Variants in ANKH observed in about 807,000 individuals in gnomAD.
ANKH encodes ANKH inorganic pyrophosphate transport regulator.
ANKH carries 15 observed loss-of-function variants against 49.0 expected under a neutral mutation model. The observed-to-expected ratio is 0.31, with a 90% confidence interval of 0.20 to 0.47. The LOEUF (loss-of-function observed/expected upper bound fraction) is 0.47, where lower values mean the gene tolerates loss of function less well. ANKH is among the 20% of genes least tolerant of loss of function. ANKH has a pLI of 1.00. For synonymous variants in ANKH, 273 were observed against 260.0 expected, an observed-to-expected ratio of 1.05 and a Z score of -0.48; for missense variants, 429 against 652.0, an observed-to-expected ratio of 0.66 and a Z score of 3.72.
intron 1 of ANKH, among the ~76,000 whole-genome samples, chr5:14,783,054 T>C (rs1339787136): frequency 2.0e-5 from 3 of 152,194 alleles, no homozygotes; most frequent in East Asian, 3.8e-4. Context: ...GAACTCACTA[T>C]TGGTATTTAT....
chr5:14,733,878 G>C (rs975614955), intron 8 of ANKH, among the ~76,000 whole-genome samples: 21 of 152,346 alleles, frequency 1.4e-4, no homozygotes, highest in African/African-American at 4.6e-4. Context: ...ATGCGTGTCG[G>C]GAGTGTCTGG....
intron 8 of ANKH, among the ~76,000 whole-genome samples, chr5:14,720,002 AAGAAC>A (rs1407485350): frequency 6.6e-6 from 1 of 152,244 alleles, no homozygotes; most frequent in Non-Finnish European, 1.5e-5. Flanking sequence ...AAAATGAATT[AAGAAC>A]AGAACACTAA....
At chr5:14,868,003 G>A (rs1050013335) in intron 1 of ANKH, among the ~76,000 whole-genome samples, 2 of 152,146 alleles carry the variant, frequency 1.3e-5, no homozygotes, top group African/African-American at 4.8e-5. Context: ...TAGTCCATAA[G>A]ATTTGGTTTC....
At chr5:14,767,599 T>C (rs1739297597) in intron 2 of ANKH, among the ~76,000 whole-genome samples, 1 of 152,202 alleles carries the variant, frequency 6.6e-6, no homozygotes. Flanking sequence ...ACGGGATGCT[T>C]AGCTTTTCTC....
intron 1 of ANKH, among the ~76,000 whole-genome samples, chr5:14,837,687 T>C (rs1380565414): frequency 6.6e-6 from 1 of 152,206 alleles, no homozygotes; most frequent in African/African-American, 2.4e-5. Context: ...GACTGTAAAC[T>C]AGTTCAACCA....
chr5:14,769,756 T>C (rs1739376087), intron 1 of ANKH, among the ~76,000 whole-genome samples: 1 of 152,194 alleles, frequency 6.6e-6, no homozygotes, highest in Non-Finnish European at 1.5e-5. Context: ...TCTTCATTCA[T>C]GCATGTTGTT....
chr5:14,737,914 A>G lies in ANKH; in HGVS notation c.1011+3913T>C, dbSNP rs1738238022. ...CCCCTTTCTCATCCTCATGCCCATC[A>G]GATGGTTTAGAGAGATCAATCAACC... is the stretch of plus-strand genomic sequence containing the variant. On this transcript the variant is annotated intron_variant, in intron 8 of 11. Transcript: ENST00000284268. The surrounding 1 kb of genome is among the most constrained non-coding windows in gnomAD (Gnocchi z 5.0). Among the ~76,000 whole-genome samples, 1 of 152,180 alleles carries G rather than the reference A, an allele frequency of 6.6e-6. No homozygotes were observed. Among genetic ancestry groups the G allele is most frequent in the African/African-American group, 2.4e-5 (1 of 41,454 alleles).
At chr5:14,812,846 G>A (rs1262268955) in intron 1 of ANKH, among the ~76,000 whole-genome samples, 1 of 152,102 alleles carries the variant, frequency 6.6e-6, no homozygotes, top group Non-Finnish European at 1.5e-5. Flanking sequence ...GTAACTGACT[G>A]TCTATCTAGA....
intron 1 of ANKH, among the ~76,000 whole-genome samples, chr5:14,777,140 C>T (rs1398439409): frequency 1.2e-4 from 8 of 67,508 alleles, no homozygotes; most frequent in African/African-American, 4.2e-4. Flanking sequence ...AAAAAGTTAG[C>T]CGGGCGTGGT....
chr5:14,779,640 T>C (rs1739744349), intron 1 of ANKH, among the ~76,000 whole-genome samples: 1 of 152,386 alleles, frequency 6.6e-6, no homozygotes, highest in East Asian at 1.9e-4. Context: ...GTCTGGTCAT[T>C]CATAAATAAA....
intron 1 of ANKH, among the ~76,000 whole-genome samples, chr5:14,861,728 T>C (rs1580124111): frequency 6.6e-6 from 1 of 152,198 alleles, no homozygotes; most frequent in East Asian, 1.9e-4. Flanking sequence ...AAAAATGTCA[T>C]TACTGATCTA....
intron 8 of ANKH, among the ~76,000 whole-genome samples, chr5:14,731,889 G>C (rs1738015899): frequency 6.6e-6 from 1 of 152,254 alleles, no homozygotes; most frequent in African/African-American, 2.4e-5. Context: ...AGCTGTGTGG[G>C]ACAGGGCAAC....
intron 1 of ANKH, among the ~76,000 whole-genome samples, chr5:14,782,646 C>A (rs1391634103): frequency 6.6e-6 from 1 of 152,084 alleles, no homozygotes. Context: ...TTAAACAGTA[C>A]TATACAACAA....
chr5:14,849,526 T>C (rs1237953111), intron 1 of ANKH, among the ~76,000 whole-genome samples: 2 of 152,186 alleles, frequency 1.3e-5, no homozygotes, highest in Non-Finnish European at 2.9e-5. Context: ...AGCTCTTAGA[T>C]CATTATCACT....
At chr5:14,746,182 T>C (rs1348789149) in intron 6 of ANKH, among the ~76,000 whole-genome samples, 1 of 151,576 alleles carries the variant, frequency 6.6e-6, no homozygotes, top group Non-Finnish European at 1.5e-5. Flanking sequence ...TCCCTGGGAG[T>C]GCAATGAGCC....
At chr5:14,761,144 C>A (rs1319715083) in intron 2 of ANKH, among the ~76,000 whole-genome samples, 2 of 152,128 alleles carry the variant, frequency 1.3e-5, no homozygotes, top group Admixed American at 6.5e-5. Context: ...CCAGCAAACA[C>A]CCAGAAGCTA....
intron 1 of ANKH, among the ~76,000 whole-genome samples, chr5:14,815,770 T>A (rs1296377733): frequency 6.6e-6 from 1 of 152,148 alleles, no homozygotes; most frequent in Non-Finnish European, 1.5e-5. Flanking sequence ...CGACCACAAG[T>A]GTCCAGGAGC....
intron 8 of ANKH, among the ~76,000 whole-genome samples, chr5:14,726,927 C>T (rs1188154920): frequency 2.0e-5 from 3 of 152,200 alleles, no homozygotes; most frequent in Admixed American, 6.5e-5. Context: ...CACGTGTTCC[C>T]GATACAGCAC....
At chr5:14,871,062 G>A in intron 1 of ANKH, 1 of 522,596 alleles carries the variant, frequency 1.9e-6, no homozygotes. Context: ...TTACATAATC[G>A]CAAATTACAT....
Sources: allele counts gnomAD v4.1 joint callset (sites outside exome capture counted in the v4.1 genomes callset), GRCh38; gene constraint gnomAD v4.1.1; non-coding constraint Gnocchi (gnomAD v3.1); transcripts MANE v1.5; gene names NCBI Gene and HGNC (gene_info 2026-07-23, HGNC 2026-07-21).